The following SUZ12 variants were observed in gnomAD, a reference collection of about 807,000 sequenced individuals.
SUZ12 encodes the protein polycomb protein SUZ12.
A neutral mutation model predicts 87.3 loss-of-function variants in SUZ12; 17 were observed. That is an observed-to-expected ratio of 0.19 (90% CI 0.13 to 0.29). SUZ12 has a LOEUF of 0.29. Ranked by LOEUF, SUZ12 falls within the 10% of genes least tolerant of loss-of-function variation. The pLI, the probability that SUZ12 is intolerant of heterozygous loss-of-function variation, is 1.00. For synonymous variants in SUZ12, 253 were observed against 312.4 expected (o/e 0.81, Z 2.01); for missense variants, 526 against 912.2 (o/e 0.58, Z 5.45).
chr17:31,940,794 C>T (rs1906225930), intron 3 of SUZ12, among the ~76,000 whole-genome samples: 1 of 151,690 alleles, frequency 6.6e-6, no homozygotes, highest in Non-Finnish European at 1.5e-5. Context: ...GGGCGGATCA[C>T]TTGAGGTCAG....
At chr17:31,982,894 T>C in intron 8 of SUZ12, 105 bp from the exon 9 acceptor site, 3 of 1,374,102 alleles carry the variant, frequency 2.2e-6, no homozygotes, top group Non-Finnish European at 2.9e-6. Context: ...TGTAAGCTAG[T>C]TTATAAATTT....
At chr17:31,986,588 T>C (rs1909433304) in intron 9 of SUZ12, among the ~76,000 whole-genome samples, 1 of 151,446 alleles carries the variant, frequency 6.6e-6, no homozygotes, top group Non-Finnish European at 1.5e-5. Flanking sequence ...AGTCTTGCTC[T>C]GTCTCCAGGC....
At position 32,000,329 on chromosome 17, in the gene SUZ12, A is replaced by G. The variant is rs1910194215; in HGVS notation, c.*1326A>G. 1 of 232,736 alleles carries G rather than the reference A, an allele frequency of 4.3e-6. No homozygotes were observed. The highest frequency in any genetic ancestry group is 2.2e-5 in the African/African-American group (1 of 45,328). 14.4% of individuals were successfully genotyped at this position (232,736 alleles called of 1,614,324 possible). On this transcript the variant is annotated 3_prime_UTR_variant, in exon 16 of 16. Transcript: ENST00000322652. The stretch of plus-strand genomic sequence containing the variant: ...AATGAAGGGATATATAAGCTTTCTA[A>G]TGGTGTCTTCAGAAATTTATAAAAT...
At chr17:31,989,794 A>G (rs1376323088) in intron 10 of SUZ12, among the ~76,000 whole-genome samples, 2 of 122,058 alleles carry the variant, frequency 1.6e-5, no homozygotes, top group South Asian at 5.3e-4. Context: ...TATTTTTAGT[A>G]GAGACGGGGT....
chr17:31,958,839 T>C (rs1462898282), intron 4 of SUZ12, among the ~76,000 whole-genome samples: 1 of 151,610 alleles, frequency 6.6e-6, no homozygotes, highest in Non-Finnish European at 1.5e-5. Context: ...AGTGAAACTC[T>C]GTCTCAAAAA....
chr17:31,989,260 T>C (rs1909574916), intron 10 of SUZ12, among the ~76,000 whole-genome samples: 1 of 151,990 alleles, frequency 6.6e-6, no homozygotes, highest in East Asian at 1.9e-4. Flanking sequence ...ATCTGGCTTA[T>C]TGGGTAGGTT....
intron 3 of SUZ12, 74 bp from the exon 4 acceptor site, chr17:31,947,543 G>C: frequency 1.8e-5 from 27 of 1,521,316 alleles, no homozygotes; most frequent in Non-Finnish European, 2.3e-5. Context: ...TTGCCTATTA[G>C]AGTGACAATA....
chr17:31,945,807 G>A (rs1293103199), intron 3 of SUZ12, among the ~76,000 whole-genome samples: 9 of 152,090 alleles, frequency 5.9e-5, no homozygotes, highest in South Asian at 4.1e-4. Flanking sequence ...ACCTTAGAAC[G>A]TACAGTCTTT....
intron 15 of SUZ12, among the ~76,000 whole-genome samples, chr17:31,997,518 C>G (rs968538399): frequency 6.6e-6 from 1 of 151,946 alleles, no homozygotes; most frequent in Non-Finnish European, 1.5e-5. Context: ...CAAAACTTAG[C>G]CGGGTGCAGT....
intron 13 of SUZ12, among the ~76,000 whole-genome samples, chr17:31,994,979 TA>T (rs1909895498): frequency 6.6e-6 from 1 of 152,332 alleles, no homozygotes; most frequent in African/African-American, 2.4e-5. Context: ...GGTTTGGGAT[TA>T]AAGAATTCTG....
chr17:31,971,658 G>A (rs947067803), intron 5 of SUZ12, among the ~76,000 whole-genome samples: 4 of 151,776 alleles, frequency 2.6e-5, no homozygotes, highest in Non-Finnish European at 4.4e-5. Flanking sequence ...TCAAACTCCC[G>A]GCCTCAGGTG....
At chr17:31,967,921 C>A (rs116535504) in intron 5 of SUZ12, among the ~76,000 whole-genome samples, 322 of 152,090 alleles carry the variant, frequency 2.1e-3, no homozygotes, top group African/African-American at 7.4e-3. Flanking sequence ...AACGTCAACA[C>A]CTTGGGAGGC....
At chr17:31,947,115 T>C (rs547968935) in intron 3 of SUZ12, among the ~76,000 whole-genome samples, 1 of 152,318 alleles carries the variant, frequency 6.6e-6, no homozygotes, top group Admixed American at 6.5e-5. Context: ...GTAGACGTGT[T>C]AAGTGTTTCA....
At chr17:31,997,356 C>T (rs1910027622) in intron 15 of SUZ12, among the ~76,000 whole-genome samples, 1 of 152,094 alleles carries the variant, frequency 6.6e-6, no homozygotes, top group African/African-American at 2.4e-5. Flanking sequence ...AGGGTTGACT[C>T]GTTCACACTC....
chr17:31,938,053 C>G (rs1434795334), intron 1 of SUZ12, among the ~76,000 whole-genome samples: 2 of 151,446 alleles, frequency 1.3e-5, no homozygotes, highest in African/African-American at 4.8e-5. Context: ...ATCTATCCAC[C>G]CATTTTGTGG....
Position 31,958,693 on chromosome 17 carries a change from A to G in SUZ12, c.456-7454A>G, listed in dbSNP as rs148081269. On this transcript the variant is annotated intron_variant, in intron 4 of 15. Transcript: ENST00000322652. ...AAACCCCATCTCTAGTAAAAATACA[A>G]AAATTAGCTGGGCGTGGTGGCATGT... Among the ~76,000 whole-genome samples, 873 of 152,332 alleles carry G rather than the reference A, an allele frequency of 5.7e-3. 13 individuals are homozygous for G. The highest frequency in any genetic ancestry group is 0.02 in the African/African-American group (841 of 41,568).
At chr17:31,983,555 C>T (rs1176831783) in intron 9 of SUZ12, among the ~76,000 whole-genome samples, 7 of 152,122 alleles carry the variant, frequency 4.6e-5, no homozygotes, top group Non-Finnish European at 8.8e-5. Flanking sequence ...GCTGGGATTA[C>T]AGGCATGAGC....
chr17:31,997,702 G>A (rs1910053199), intron 15 of SUZ12, among the ~76,000 whole-genome samples: 1 of 150,092 alleles, frequency 6.7e-6, no homozygotes, highest in African/African-American at 2.5e-5. Context: ...ACCTTGGTGG[G>A]ACCCACGACC....
rs1018079413 is a variant in SUZ12 at position 31,999,938 on chromosome 17, T to A, written c.*935T>A. 3 of 232,676 alleles carry A rather than the reference T, an allele frequency of 1.3e-5. No individual in the cohort carries two copies. Among genetic ancestry groups the A allele is most frequent in the Admixed American group, 5.6e-5 (1 of 17,772 alleles). The allele number at this position is 232,676 out of a possible 1,614,324, so 14.4% of individuals were successfully genotyped here. On this transcript the variant is annotated 3_prime_UTR_variant, in exon 16 of 16. Transcript: ENST00000322652. Reference sequence around the variant, plus strand: ...AGTCAACCAGAAAACTGTTATGCCTTTTATTTGTTTGCAAGGATGTCTTTG... The same window carrying A: ...AGTCAACCAGAAAACTGTTATGCCTATTATTTGTTTGCAAGGATGTCTTTG...
Sources: allele counts gnomAD v4.1 joint callset (sites outside exome capture counted in the v4.1 genomes callset), GRCh38; gene constraint gnomAD v4.1.1; transcripts MANE v1.5; gene names NCBI Gene and HGNC (gene_info 2026-07-23, HGNC 2026-07-21).